Variants in HSF2BP observed in about 807,000 individuals in gnomAD.
HSF2BP encodes heat shock factor 2-binding protein.
In HSF2BP, 35 loss-of-function variants were observed where a neutral mutation model predicts 35.0. That is an observed-to-expected ratio of 1.00 (90% confidence interval 0.76 to 1.32). HSF2BP has a LOEUF of 1.32. Among genes scored for constraint, HSF2BP ranks in the 40% most tolerant of loss-of-function variants. The pLI is 0.00. For synonymous variants in HSF2BP, 114 were observed against 117.4 expected, an observed-to-expected ratio of 0.97 and a Z score of 0.18; for missense variants, 326 against 321.7, an observed-to-expected ratio of 1.01 and a Z score of -0.10.
intron 3 of HSF2BP, among the ~76,000 whole-genome samples, chr21:43,655,852 C>G (rs1210701783): frequency 3.9e-5 from 6 of 152,124 alleles, no homozygotes; most frequent in African/African-American, 1.2e-4. Flanking sequence ...TTTGCACATG[C>G]CAGAAACTCA....
intron 6 of HSF2BP, among the ~76,000 whole-genome samples, chr21:43,617,034 C>G (rs546003332): frequency 1.3e-5 from 2 of 152,264 alleles, no homozygotes; most frequent in African/African-American, 4.8e-5. Flanking sequence ...CACTAGCCCC[C>G]AGCTGTTCCA....
intron 4 of HSF2BP, among the ~76,000 whole-genome samples, chr21:43,636,894 C>CAAAAAA (rs34578952): frequency 4.3e-3 from 484 of 111,736 alleles, no homozygotes; most frequent in Non-Finnish European, 5.5e-3. Flanking sequence ...CGTCTCAAAA[C>CAAAAAA]AAAAAAAAAA....
intron 3 of HSF2BP, among the ~76,000 whole-genome samples, chr21:43,649,018 A>G (rs1568942132): frequency 1.3e-5 from 2 of 152,134 alleles, no homozygotes; most frequent in African/African-American, 4.8e-5. Context: ...TACTATTAAC[A>G]TTTTGTTTGC....
intron 8 of HSF2BP, among the ~76,000 whole-genome samples, chr21:43,579,594 C>G (rs543113950): frequency 7.2e-5 from 11 of 152,270 alleles, no homozygotes; most frequent in African/African-American, 2.6e-4. Context: ...CAAAACTCTC[C>G]TTTCACCAAC....
intron 7 of HSF2BP, among the ~76,000 whole-genome samples, chr21:43,594,560 A>G (rs2081962800): frequency 6.6e-6 from 1 of 152,236 alleles, no homozygotes; most frequent in African/African-American, 2.4e-5. Context: ...AAACAAGGGT[A>G]AACTTTCAAG....
chr21:43,578,954 T>C (rs2081683468), intron 8 of HSF2BP, among the ~76,000 whole-genome samples: 1 of 151,954 alleles, frequency 6.6e-6, no homozygotes, highest in Non-Finnish European at 1.5e-5. Flanking sequence ...GTCAGGACTT[T>C]GACAGGGCCC....
intron 4 of HSF2BP, among the ~76,000 whole-genome samples, chr21:43,640,661 C>T (rs894137562): frequency 7.2e-5 from 11 of 152,102 alleles, no homozygotes; most frequent in South Asian, 2.1e-4. Context: ...ACTATAGTTA[C>T]GCAAGATATC....
rs1455780196 is a variant in HSF2BP at position 43,658,173 on chromosome 21, G to GA, written c.-78dup. 4 of 1,422,878 alleles carry GA rather than the reference G, an allele frequency of 2.8e-6. No homozygotes were observed. The African/African-American group carries it at 4.4e-5, about 16-fold the overall frequency. The allele number at this position is 1,422,878 out of a possible 1,614,324, so 88.1% of individuals were successfully genotyped here. ...CCCTCACGCCAGAAAGCGCGGGAAC[G>GA]AATCCACGCCGGGGGTCGGGAACGG... On this transcript the variant is annotated 5_prime_UTR_variant, in exon 2 of 9. Transcript: ENST00000291560.
intron 3 of HSF2BP, among the ~76,000 whole-genome samples, chr21:43,648,610 T>C (rs1474614583): frequency 6.6e-6 from 1 of 152,266 alleles, no homozygotes; most frequent in African/African-American, 2.4e-5. Flanking sequence ...ACACTCTTCA[T>C]GTTCTTTTAT....
At chr21:43,587,573 G>A (rs1373160252) in intron 8 of HSF2BP, among the ~76,000 whole-genome samples, 3 of 151,384 alleles carry the variant, frequency 2.0e-5, no homozygotes, top group East Asian at 1.9e-4. Context: ...GCTGAGGCAG[G>A]AGAATCGCTT....
intron 7 of HSF2BP, among the ~76,000 whole-genome samples, chr21:43,611,558 G>A (rs373406042): frequency 2.6e-5 from 4 of 152,158 alleles, no homozygotes; most frequent in Non-Finnish European, 4.4e-5. Context: ...GCCTGGACTC[G>A]AGGGAGCTCC....
chr21:43,577,859 C>T (rs997228252), intron 8 of HSF2BP, among the ~76,000 whole-genome samples: 4 of 152,128 alleles, frequency 2.6e-5, no homozygotes, highest in African/African-American at 7.2e-5. Context: ...CCTGCCCTTG[C>T]GATAATGGAC....
intron 3 of HSF2BP, among the ~76,000 whole-genome samples, chr21:43,645,909 C>G (rs943629265): frequency 6.6e-6 from 1 of 152,110 alleles, no homozygotes; most frequent in African/African-American, 2.4e-5. Flanking sequence ...AGAAAGCAAG[C>G]TAGTCTCTAA....
At chr21:43,635,536 A>C (rs943368963) in intron 4 of HSF2BP, among the ~76,000 whole-genome samples, 1 of 152,240 alleles carries the variant, frequency 6.6e-6, no homozygotes, top group African/African-American at 2.4e-5. Context: ...CAAAGGTGCC[A>C]ATGCAATTCA....
At chr21:43,606,048 C>T (rs1444027215) in intron 7 of HSF2BP, among the ~76,000 whole-genome samples, 1 of 151,916 alleles carries the variant, frequency 6.6e-6, no homozygotes, top group Admixed American at 6.6e-5. Flanking sequence ...GGAAGTAAAG[C>T]CGCCTGCCGG....
chr21:43,614,382 T>C (rs947734701), intron 6 of HSF2BP, among the ~76,000 whole-genome samples: 1 of 150,240 alleles, frequency 6.7e-6, no homozygotes, highest in African/African-American at 2.5e-5. Flanking sequence ...AAAAAAAAAT[T>C]ATCAACAAAA....
At chr21:43,591,958 T>A (rs183375007) in intron 8 of HSF2BP, among the ~76,000 whole-genome samples, 1 of 152,192 alleles carries the variant, frequency 6.6e-6, no homozygotes, top group African/African-American at 2.4e-5. Context: ...TACTTAATAA[T>A]GACCCTAAAG....
At position 43,644,381 on chromosome 21, in the gene HSF2BP, T is replaced by C. The variant is rs1429260107; in HGVS notation, c.199A>G (p.Lys67Glu). The C allele has an allele frequency of 1.2e-6, 2 of 1,613,494 alleles. No individual in the cohort carries two copies. The highest frequency in any genetic ancestry group is 3.3e-5 in the Admixed American group (2 of 60,008). ...LKIVEKNLER[K>E]EQELEQLKMD... ...TTCAGCTGCTCTAATTCTTGCTCTT[T>C]CCTTTCCAGGTCTAGGAGAAAGACA... is the stretch of plus-strand genomic sequence containing the variant. Residue 67 changes from lysine (K) to glutamate (E), a missense_variant, in exon 4 of 9, where the codon AAA (lysine) becomes GAA (glutamate). Lys to Glu is a moderately conservative substitution (Grantham distance 56). Coordinates refer to ENST00000291560, the MANE Select transcript of HSF2BP (RefSeq NM_007031.2).
chr21:43,603,914 C>T (rs1025454532), intron 7 of HSF2BP, among the ~76,000 whole-genome samples: 1 of 152,088 alleles, frequency 6.6e-6, no homozygotes. Flanking sequence ...GACATGTGGC[C>T]CAATAGCAGA....
Sources: gnomAD v4.1 joint callset for allele counts (sites outside exome capture counted in the v4.1 genomes callset) on GRCh38, gnomAD v4.1.1 for gene constraint, MANE v1.5 for transcripts, NCBI Gene and HGNC (gene_info 2026-07-23, HGNC 2026-07-21) for gene names.